The following SLIRP variants were observed in gnomAD, a reference collection of about 807,000 sequenced individuals.
The protein encoded by SLIRP is SRA stem-loop interacting RNA binding protein, also known as SRA stem-loop-interacting RNA-binding protein, mitochondrial.
Under a neutral mutation model 13.4 loss-of-function variants are expected in SLIRP, and 12 were observed. The ratio of observed to expected loss-of-function variants is 0.89; its 90% confidence interval spans 0.57 to 1.45. SLIRP has a LOEUF of 1.45. SLIRP is among the 40% of genes most tolerant of loss of function. SLIRP has a pLI of 0.00. For missense variants in SLIRP, 154 were observed against 132.2 expected, an observed-to-expected ratio of 1.17 and a Z score of -0.81; for synonymous variants, 55 against 47.1, an observed-to-expected ratio of 1.17 and a Z score of -0.69.
chr14:77,711,035 G>A, intron 2 of SLIRP, 139 bp downstream of exon 2: 1 of 761,590 alleles, frequency 1.3e-6, no homozygotes. Flanking sequence ...AACTCAGAGT[G>A]TAATTGGATT....
rs527910740 is a variant in SLIRP, at chr14:77,710,709, T to C, written c.98-129T>C. On this transcript the variant is annotated intron_variant, in intron 1 of 3. Coordinates refer to ENST00000557342, the MANE Select transcript of SLIRP (RefSeq NM_031210.6). ...GTCAGTACCATAGCTGCTTCCTAAA[T>C]CTTAAGCCTTTAAGGAAATGCAAAG... The C allele has an allele frequency of 3.2e-6, 5 of 1,573,878 alleles. No homozygotes were observed. In the South Asian group the frequency reaches 5.6e-5, roughly 18 times the overall value.
intron 1 of SLIRP, among the ~76,000 whole-genome samples, chr14:77,709,043 G>A (rs1366819670): frequency 1.3e-5 from 2 of 152,176 alleles, no homozygotes; most frequent in African/African-American, 4.8e-5. Flanking sequence ...GAGTTTATAT[G>A]CAAACTTCTT....
At chr14:77,708,285 C>A in intron 1 of SLIRP, 77 bp downstream of exon 1, 1 of 1,443,916 alleles carries the variant, frequency 6.9e-7, no homozygotes, top group Non-Finnish European at 9.7e-7. Flanking sequence ...TTGCAGGGTA[C>A]TTAAGTCAGC....
chr14:77,715,911 GA>G, intron 3 of SLIRP, 32 bp downstream of exon 3: 3 of 1,453,254 alleles, frequency 2.1e-6, no homozygotes, highest in South Asian at 1.1e-5. Context: ...ATACATACAT[GA>G]TATACATGTA....
chr14:77,711,355 G>C (rs1019674559), intron 2 of SLIRP, among the ~76,000 whole-genome samples: 4 of 151,894 alleles, frequency 2.6e-5, no homozygotes, highest in Admixed American at 2.6e-4. Flanking sequence ...TCTTGCAACA[G>C]GGTCTCGCTC....
intron 2 of SLIRP, among the ~76,000 whole-genome samples, chr14:77,714,308 A>G (rs2080460332): frequency 1.3e-5 from 2 of 151,572 alleles, no homozygotes; most frequent in Middle Eastern, 3.4e-3. Flanking sequence ...ACCTGGACTG[A>G]GTTATTTTTT....
At chr14:77,710,695 A>T (rs1237845434) in intron 1 of SLIRP, 143 bp from the exon 2 acceptor site, 1 of 1,564,366 alleles carries the variant, frequency 6.4e-7, no homozygotes, top group African/African-American at 1.4e-5. Context: ...TCAGTACCAT[A>T]GCTGCTTCCT....
intron 3 of SLIRP, chr14:77,716,427 C>A (rs1164073984): frequency 6.6e-6 from 1 of 151,962 alleles, no homozygotes; most frequent in Non-Finnish European, 1.5e-5. Flanking sequence ...CGGGGGGGAT[C>A]ACCAGAGGTC....
rs763035560 is a variant in SLIRP at position 77,715,753 on chromosome 14, C to T, written c.157-19C>T. 5.0e-6 allele frequency: 8 copies of T among 1,593,060 alleles called. No homozygotes were observed. The East Asian group carries it at 1.6e-4, about 31-fold the overall frequency. ...TCTGAAGTTCATGATTAATCTTTTC[C>T]TATATTTTGAATTTTTAGGACAAGG... On this transcript the variant is annotated intron_variant, in intron 2 of 3. Coordinates refer to ENST00000557342, the MANE Select transcript of SLIRP (RefSeq NM_031210.6).
At chr14:77,710,623 A>T (rs893281010) in intron 1 of SLIRP, 1 of 1,518,886 alleles carries the variant, frequency 6.6e-7, no homozygotes, top group Admixed American at 2.0e-5. Context: ...TGGAGACTGC[A>T]GCCAACTCAA....
intron 1 of SLIRP, among the ~76,000 whole-genome samples, chr14:77,710,056 A>G (rs1212582087): frequency 1.3e-5 from 2 of 152,244 alleles, no homozygotes; most frequent in Admixed American, 1.3e-4. Context: ...GGAGAACTAA[A>G]TAGATATTAT....
chr14:77,711,853 TGG>T (rs2080442925), intron 2 of SLIRP: 1 of 152,762 alleles, frequency 6.5e-6, no homozygotes, highest in Admixed American at 6.5e-5. Context: ...GCCACTGTGC[TGG>T]CTTATTTTTG....
At chr14:77,715,596 G>A (rs1448877873) in intron 2 of SLIRP, among the ~76,000 whole-genome samples, 176 bp from the exon 3 acceptor site, 5 of 152,084 alleles carry the variant, frequency 3.3e-5, no homozygotes, top group African/African-American at 4.8e-5. Flanking sequence ...AGTGAGTTGC[G>A]TTCATACCAC....
intron 1 of SLIRP, 109 bp downstream of exon 1, chr14:77,708,317 T>C: frequency 2.8e-6 from 3 of 1,089,974 alleles, no homozygotes; most frequent in Non-Finnish European, 4.1e-6. Flanking sequence ...ATTAGGAGAC[T>C]GCTCCTGAGC....
Position 77,715,928 on chromosome 14 carries a change from T to C in SLIRP, c.264+49T>C, listed in dbSNP as rs1555385806. 6.4e-5 allele frequency: 84 copies of C among 1,308,916 alleles called. 2 individuals carry two copies. The South Asian group carries it at 1.0e-3, about 16-fold the overall frequency. The allele number at this position is 1,308,916 out of a possible 1,614,324, so 81.1% of individuals were successfully genotyped here. On this transcript the variant is annotated intron_variant, in intron 3 of 3. Transcript: ENST00000557342. ...ACATACATGATATACATGTAGGTAC[T>C]ATTTAATTATGTATCAATTAAATAG...
chr14:77,712,342 C>T (rs1169886532), intron 2 of SLIRP, among the ~76,000 whole-genome samples: 1 of 150,572 alleles, frequency 6.6e-6, no homozygotes, highest in Non-Finnish European at 1.5e-5. Flanking sequence ...GGTGCAGTCT[C>T]AGCTTACTGC....
intron 2 of SLIRP, among the ~76,000 whole-genome samples, chr14:77,712,368 G>A (rs2080446893): frequency 6.6e-6 from 1 of 151,478 alleles, no homozygotes; most frequent in African/African-American, 2.4e-5. Flanking sequence ...CTGCCTCCTG[G>A]GTTCAAGCCA....
At chr14:77,715,667 A>G (rs2080470545) in intron 2 of SLIRP, 105 bp from the exon 3 acceptor site, 2 of 943,478 alleles carry the variant, frequency 2.1e-6, no homozygotes, top group Admixed American at 2.5e-5. Flanking sequence ...AATTAAATTA[A>G]AAAGTCCGAT....
chr14:77,716,518 G>A (rs961120501), intron 3 of SLIRP, among the ~76,000 whole-genome samples: 1 of 150,708 alleles, frequency 6.6e-6, no homozygotes, highest in Non-Finnish European at 1.5e-5. Context: ...GGGCGTGGTG[G>A]CACATGCCTG....
Sources: allele counts gnomAD v4.1 joint callset (sites outside exome capture counted in the v4.1 genomes callset), GRCh38; gene constraint gnomAD v4.1.1; transcripts MANE v1.5; gene names NCBI Gene and HGNC (gene_info 2026-07-23, HGNC 2026-07-21).